CGGBP1: variants seen among roughly 807,000 people sequenced by gnomAD.
CGGBP1 encodes CGG triplet repeat binding protein 1.
In CGGBP1, 4 loss-of-function variants were observed where a neutral mutation model predicts 11.4. That is an observed-to-expected ratio of 0.35 (90% CI 0.17 to 0.80). The LOEUF is 0.80. Ranked by LOEUF, CGGBP1 falls within the 30% of genes least tolerant of loss-of-function variation. The pLI is 0.52. For synonymous variants in CGGBP1, 76 were observed against 74.1 expected, an observed-to-expected ratio of 1.03 and a Z score of -0.13; for missense variants, 135 against 202.1, an observed-to-expected ratio of 0.67 and a Z score of 2.01.
At chr3:88,111,660 T>C (rs905103528) in intron 2 of CGGBP1, among the ~76,000 whole-genome samples, 1 of 152,026 alleles carries the variant, frequency 6.6e-6, no homozygotes, top group Non-Finnish European at 1.5e-5. Context: ...TATATTGTTG[T>C]TTCTGTCTTT....
chr3:88,110,641 CT>C (rs748120022), intron 2 of CGGBP1, among the ~76,000 whole-genome samples: 1 of 152,042 alleles, frequency 6.6e-6, no homozygotes, highest in Non-Finnish European at 1.5e-5. Flanking sequence ...CTACTTTATA[CT>C]ATTTTGGACT....
chr3:88,121,105 T>C (rs1705743176), intron 2 of CGGBP1, among the ~76,000 whole-genome samples: 1 of 151,676 alleles, frequency 6.6e-6, no homozygotes, highest in African/African-American at 2.4e-5. Flanking sequence ...GTAAAATAAA[T>C]AATAAATCCA....
chr3:88,138,657 A>G (rs1706949158), intron 2 of CGGBP1: 1 of 1,157,630 alleles, frequency 8.6e-7, no homozygotes, highest in South Asian at 4.4e-5. Context: ...TAGTATAACC[A>G]TTTTTTTGGA....
At chr3:88,128,213 G>A (rs572781765) in intron 2 of CGGBP1, among the ~76,000 whole-genome samples, 3 of 152,136 alleles carry the variant, frequency 2.0e-5, no homozygotes, top group Admixed American at 2.0e-4. Flanking sequence ...TTTTAAAATT[G>A]TGTAAAGTAT....
At chr3:88,091,843 C>T (rs2107680946) in intron 2 of CGGBP1, among the ~76,000 whole-genome samples, 1 of 152,274 alleles carries the variant, frequency 6.6e-6, no homozygotes, top group Non-Finnish European at 1.5e-5. Context: ...GATTGTGAGG[C>T]CTCCTCAGCC....
At chr3:88,149,808 C>T in exon 1 of CGGBP1, 1 of 510,578 alleles carries the variant, frequency 2.0e-6, no homozygotes, top group Non-Finnish European at 3.6e-6. Flanking sequence ...CCATATAAAC[C>T]CAGCACTTCC....
At chr3:88,148,235 C>T (rs1479708018) in intron 1 of CGGBP1, among the ~76,000 whole-genome samples, 1 of 152,152 alleles carries the variant, frequency 6.6e-6, no homozygotes, top group African/African-American at 2.4e-5. Context: ...TATATAGTTT[C>T]TTACATGTTT....
At chr3:88,108,444 C>T (rs1369728103) in intron 2 of CGGBP1, among the ~76,000 whole-genome samples, 6 of 152,180 alleles carry the variant, frequency 3.9e-5, no homozygotes, top group South Asian at 4.1e-4. Flanking sequence ...AGTCTCCCCT[C>T]ATCTGTGGAT....
Position 88,081,315 on chromosome 3 carries a change from TTACTGTCTTTATATCTG to T in CGGBP1, c.-228-23109_-228-23093del, listed in dbSNP as rs58425601. 3.1e-3 allele frequency among the ~76,000 whole-genome samples: 472 copies of T among 152,310 alleles called. 3 individuals carry two copies. The highest frequency in any genetic ancestry group is 0.011 in the African/African-American group (444 of 41,554). On this transcript the variant is annotated intron_variant, in intron 2 of 3. Coordinates refer to the CGGBP1 transcript ENST00000462901. ...TATGTGGGGGTTTTCCACTGTAATG[TTACTGTCTTTATATCTG>T]TACTGTCTTTATATCTGTTGATAAA...
At chr3:88,079,992 A>G (rs1273807354) in intron 2 of CGGBP1, among the ~76,000 whole-genome samples, 2 of 151,982 alleles carry the variant, frequency 1.3e-5, no homozygotes, top group Admixed American at 1.3e-4. Flanking sequence ...CCATTACATG[A>G]TTATACTGAT....
intron 2 of CGGBP1, among the ~76,000 whole-genome samples, chr3:88,111,901 T>C (rs1488845166): frequency 1.3e-5 from 2 of 151,978 alleles, no homozygotes; most frequent in Non-Finnish European, 1.5e-5. Context: ...TTTGGCCTAA[T>C]AATGAATAAG....
chr3:88,073,096 TG>T (rs1471428668), intron 2 of CGGBP1, among the ~76,000 whole-genome samples: 1 of 152,204 alleles, frequency 6.6e-6, no homozygotes, highest in East Asian at 1.9e-4. Flanking sequence ...AGTAGTTAAT[TG>T]ATTAGAAATA....
At chr3:88,129,407 A>G (rs1706315725) in intron 2 of CGGBP1, among the ~76,000 whole-genome samples, 1 of 148,056 alleles carries the variant, frequency 6.8e-6, no homozygotes. Flanking sequence ...GCTCATGTTT[A>G]TTTTGTTTCT....
Position 88,109,146 on chromosome 3 carries a change from TG to T in CGGBP1, c.-229+31823del, listed in dbSNP as rs1387257674. Among the ~76,000 whole-genome samples, 18 of 146,004 alleles carry T rather than the reference TG, an allele frequency of 1.2e-4. No homozygotes were observed. In the East Asian group the frequency reaches 3.6e-3, roughly 29 times the overall value. On this transcript the variant is annotated intron_variant, in intron 2 of 3. Coordinates refer to the CGGBP1 transcript ENST00000462901. The stretch of plus-strand genomic sequence containing the variant: ...CCCTGTGGATAAGTGGGCACTAGTG[TG>T]TGTGTGTGTGTGTGTGTGTGTGTGT...
Position 88,054,403 on chromosome 3 carries a change from C to G in CGGBP1, c.*1070G>C, listed in dbSNP as rs1292916561. The G allele has an allele frequency of 6.6e-6, 1 of 152,060 alleles. No individual in the cohort carries two copies. Among genetic ancestry groups the G allele is most frequent in the Non-Finnish European group, 1.5e-5 (1 of 68,014 alleles). The allele number at this position is 152,060 out of a possible 1,614,324, so 9.4% of individuals were successfully genotyped here. On this transcript the variant is annotated 3_prime_UTR_variant, in exon 4 of 4. Coordinates refer to ENST00000482016, the MANE Select transcript of CGGBP1 (RefSeq NM_001008390.2). ...CACCCAAAGTTATGCAGGATACTGCCAGATCTCCAATACAAAAAACCTGCC... is the reference window on the plus strand; with the variant it reads ...CACCCAAAGTTATGCAGGATACTGCGAGATCTCCAATACAAAAAACCTGCC...
chr3:88,135,082 T>C (rs1183403486), intron 2 of CGGBP1: 3 of 1,453,696 alleles, frequency 2.1e-6, no homozygotes, highest in East Asian at 5.3e-5. Flanking sequence ...TCATATGGAG[T>C]AAACTACAGC....
At chr3:88,079,417 T>C (rs1707971366) in intron 2 of CGGBP1, among the ~76,000 whole-genome samples, 1 of 152,112 alleles carries the variant, frequency 6.6e-6, no homozygotes, top group African/African-American at 2.4e-5. Context: ...TGCCTTATAA[T>C]ATTTGATGGG....
chr3:88,139,302 C>T, intron 2 of CGGBP1: 1 of 1,582,948 alleles, frequency 6.3e-7, no homozygotes, highest in South Asian at 1.2e-5. Flanking sequence ...TGTCCCAAGG[C>T]ATCGTTGTAT....
intron 1 of CGGBP1, chr3:88,143,711 T>C (rs539937718): frequency 6.6e-6 from 1 of 152,342 alleles, no homozygotes; most frequent in Non-Finnish European, 1.5e-5. Flanking sequence ...ACTTGAGGTT[T>C]ATTTCTACTT....
Sources: allele counts gnomAD v4.1 joint callset (sites outside exome capture counted in the v4.1 genomes callset), GRCh38; gene constraint gnomAD v4.1.1; transcripts MANE v1.5; gene names NCBI Gene and HGNC (gene_info 2026-07-23, HGNC 2026-07-21).